Variants in PTPRJ observed in about 807,000 individuals in gnomAD.
PTPRJ encodes protein tyrosine phosphatase receptor type J.
A neutral mutation model predicts 141.3 loss-of-function variants in PTPRJ; 129 were observed. That is an observed-to-expected ratio of 0.91 (90% confidence interval 0.79 to 1.06). The LOEUF (loss-of-function observed/expected upper bound fraction) is 1.06, where lower values mean the gene tolerates loss of function less well. Among genes scored for constraint, PTPRJ ranks in the 50% least tolerant of loss-of-function variants. The probability of loss-of-function intolerance (pLI) is 0.00; values close to 1 mark genes in which losing one functional copy is unlikely to be tolerated. For missense variants in PTPRJ, 1,601 were observed against 1,679.7 expected, an observed-to-expected ratio of 0.95 and a Z score of 0.82; for synonymous variants, 610 against 640.5, an observed-to-expected ratio of 0.95 and a Z score of 0.72.
intron 16 of PTPRJ, 145 bp from the exon 17 acceptor site, chr11:48,149,845 G>A (rs1176632000): frequency 3.2e-6 from 2 of 617,312 alleles, no homozygotes; most frequent in Non-Finnish European, 5.6e-6. Context: ...ATATTTTAGT[G>A]TTTTGTGAAT....
At chr11:48,152,080 C>G (rs1385707743) in intron 18 of PTPRJ, among the ~76,000 whole-genome samples, 3 of 152,324 alleles carry the variant, frequency 2.0e-5, no homozygotes, top group Admixed American at 2.0e-4. Context: ...AAAAGTGTTG[C>G]TATTTCTCCA....
chr11:48,141,697 C>T (rs996034336), intron 11 of PTPRJ, among the ~76,000 whole-genome samples: 1 of 152,172 alleles, frequency 6.6e-6, no homozygotes, highest in Non-Finnish European at 1.5e-5. Flanking sequence ...CACCCCAGAT[C>T]TCAGGATAAT....
chr11:48,046,043 G>A (rs979193244), intron 1 of PTPRJ, among the ~76,000 whole-genome samples: 2 of 151,988 alleles, frequency 1.3e-5, no homozygotes, highest in Admixed American at 6.6e-5. Context: ...AGTTCCATAC[G>A]TTAGCTCATT....
chr11:48,057,352 T>A (rs7107868), intron 1 of PTPRJ, among the ~76,000 whole-genome samples: 8,230 of 152,280 alleles, frequency 0.054, 205 homozygotes, highest in Middle Eastern at 0.068. Flanking sequence ...ACAGCACACC[T>A]GTTTTTCAGA....
chr11:48,069,157 T>C lies in PTPRJ; in HGVS notation c.97-40901T>C, dbSNP rs149789456. 4.2e-4 allele frequency among the ~76,000 whole-genome samples: 63 copies of C among 151,564 alleles called. No individual in the cohort carries two copies. In the East Asian group the frequency reaches 8.0e-3, roughly 19 times the overall value. On this transcript the variant is annotated intron_variant, in intron 1 of 24. Coordinates refer to ENST00000418331, the MANE Select transcript of PTPRJ (RefSeq NM_002843.4). ...CTCTGATGCCTAGGCTGGAGTGCAG[T>C]GGGGTGATCTCGGCTAATTGCAACC...
intron 1 of PTPRJ, among the ~76,000 whole-genome samples, chr11:47,991,740 A>G (rs1854198257): frequency 6.6e-6 from 1 of 151,952 alleles, no homozygotes; most frequent in Admixed American, 6.6e-5. Flanking sequence ...CAACTTCTCC[A>G]CCTCCTACCT....
At chr11:48,056,141 G>T (rs1854746848) in intron 1 of PTPRJ, among the ~76,000 whole-genome samples, 1 of 152,160 alleles carries the variant, frequency 6.6e-6, no homozygotes, top group African/African-American at 2.4e-5. Context: ...GTACTTTTGG[G>T]CGAAGGTGCC....
At chr11:48,094,642 G>A (rs1855955949) in intron 1 of PTPRJ, among the ~76,000 whole-genome samples, 1 of 152,160 alleles carries the variant, frequency 6.6e-6, no homozygotes, top group Non-Finnish European at 1.5e-5. Context: ...GATCTCTATT[G>A]GGATGTGTCA....
intron 1 of PTPRJ, among the ~76,000 whole-genome samples, chr11:48,055,398 A>G (rs568836066): frequency 6.6e-6 from 1 of 152,174 alleles, no homozygotes; most frequent in South Asian, 2.1e-4. Context: ...AAAGGCCCCA[A>G]ATCTCCCGCC....
intron 1 of PTPRJ, among the ~76,000 whole-genome samples, chr11:48,071,937 ACT>A (rs1229428952): frequency 1.4e-5 from 1 of 69,792 alleles, no homozygotes; most frequent in Non-Finnish European, 2.7e-5. Context: ...ACAGAGTCTC[ACT>A]CTGTCACCCA....
intron 1 of PTPRJ, among the ~76,000 whole-genome samples, chr11:48,001,462 AT>A (rs1441054243): frequency 2.0e-5 from 3 of 150,640 alleles, no homozygotes; most frequent in African/African-American, 4.9e-5. Context: ...AGATCCTTTG[AT>A]TTGGGTTTGA....
chr11:48,156,214 A>G, intron 21 of PTPRJ, 95 bp downstream of exon 21: 1 of 1,144,414 alleles, frequency 8.7e-7, no homozygotes, highest in South Asian at 1.6e-5. Flanking sequence ...TTTCTTTAAA[A>G]AAACTCAAAC....
intron 1 of PTPRJ, among the ~76,000 whole-genome samples, chr11:47,981,677 C>T (rs1490234684): frequency 1.3e-5 from 2 of 152,202 alleles, no homozygotes; most frequent in Non-Finnish European, 2.9e-5. Flanking sequence ...CCCTCCCCAC[C>T]CCACCCTCAC....
chr11:48,046,910 A>ATTTTTTT (rs1281439545), intron 1 of PTPRJ, among the ~76,000 whole-genome samples: 5 of 87,102 alleles, frequency 5.7e-5, no homozygotes, highest in African/African-American at 3.9e-4. Context: ...ATATATATAT[A>ATTTTTTT]TATTTTTTTT....
intron 1 of PTPRJ, among the ~76,000 whole-genome samples, chr11:48,061,722 G>A (rs185422890): frequency 3.9e-4 from 60 of 152,218 alleles, no homozygotes; most frequent in African/African-American, 1.3e-3. Flanking sequence ...AGTGTCCTGG[G>A]TGGGCTGCCT....
At position 48,164,558 on chromosome 11, in the gene PTPRJ, ATTTTTTTTTTT is replaced by A. The variant is rs60806872; in HGVS notation, c.3855+59_3855+69del. 2,022 of 774,368 alleles carry A rather than the reference ATTTTTTTTTTT, an allele frequency of 2.6e-3. 35 individuals carry two copies. In the African/African-American group the frequency reaches 0.061, roughly 23 times the overall value. 48.0% of individuals were successfully genotyped at this position (774,368 alleles called of 1,614,324 possible). ...ATTTGACATTCCACCCTTCCCCTCC[ATTTTTTTTTTT>A]TTTTTTTTTTTTTTTGAGACGGAGT... On this transcript the variant is annotated intron_variant, in intron 24 of 24. Coordinates refer to ENST00000418331, the MANE Select transcript of PTPRJ (RefSeq NM_002843.4).
chr11:48,065,437 C>T (rs1223351314), intron 1 of PTPRJ, among the ~76,000 whole-genome samples: 1 of 152,158 alleles, frequency 6.6e-6, no homozygotes, highest in Non-Finnish European at 1.5e-5. Context: ...CATTCCCCCA[C>T]CTGGGGTACC....
chr11:47,994,605 G>A lies in PTPRJ; in HGVS notation c.96+13597G>A, dbSNP rs1201152884. 5.3e-5 allele frequency among the ~76,000 whole-genome samples: 8 copies of A among 152,194 alleles called. No homozygotes were observed. The East Asian group carries it at 1.2e-3, about 22-fold the overall frequency. ...GGAGGTTGCTTGAGTCCTGGAGGCG[G>A]AGTGAGCCAAGATTGCGCCACTGCA... is the stretch of plus-strand genomic sequence containing the variant. On this transcript the variant is annotated intron_variant, in intron 1 of 24. Transcript: ENST00000418331.
intron 1 of PTPRJ, among the ~76,000 whole-genome samples, chr11:48,023,944 A>G (rs1421086223): frequency 2.6e-5 from 4 of 152,042 alleles, no homozygotes. Context: ...TCACCATCCA[A>G]AAATCCTCTT....
Sources: gnomAD v4.1 joint callset for allele counts (sites outside exome capture counted in the v4.1 genomes callset) on GRCh38, gnomAD v4.1.1 for gene constraint, MANE v1.5 for transcripts, NCBI Gene and HGNC (gene_info 2026-07-23, HGNC 2026-07-21) for gene names.